Variants in TTI1 observed in about 807,000 individuals in gnomAD.
TTI1 encodes the protein TELO2-interacting protein 1 homolog.
A neutral mutation model predicts 85.4 loss-of-function variants in TTI1; 52 were observed. The observed-to-expected ratio is 0.61, with a 90% CI of 0.49 to 0.77. The LOEUF is 0.77. TTI1 is among the 30% of genes least tolerant of loss of function. The pLI, the probability that TTI1 is intolerant of heterozygous loss-of-function variation, is 0.00. For missense variants in TTI1, 1,173 were observed against 1,296.0 expected (o/e 0.91, Z 1.46); for synonymous variants, 512 against 503.9 (o/e 1.02, Z -0.22).
chr20:38,002,663 A>G lies in TTI1; in HGVS notation c.2617T>C (p.Leu873=), dbSNP rs984146182. 1 of 1,614,222 alleles carries G rather than the reference A, an allele frequency of 6.2e-7. No individual in the cohort carries two copies. The highest frequency in any genetic ancestry group is 1.3e-5 in the African/African-American group (1 of 75,058). Residue 873 remains leucine, a synonymous_variant, in exon 4 of 8, where the codon TTG becomes CTG. Transcript: ENST00000373447. The part of the protein sequence containing the change: ...AMDVMERCIH[L]LSDKNLQIRL... The stretch of plus-strand genomic sequence containing the variant: ...ATTTGCAGATTTTTATCTGACAACA[A>G]GTGGATGCAGCGTTCCATCACGTCC...
At chr20:37,997,317 T>G (rs1029375680) in intron 5 of TTI1, among the ~76,000 whole-genome samples, 52 of 151,612 alleles carry the variant, frequency 3.4e-4, no homozygotes, top group African/African-American at 1.2e-3. Flanking sequence ...CTTCCTAACA[T>G]CCCTTGAGAA....
chr20:38,033,185 G>A (rs868685118), intron 1 of TTI1, among the ~76,000 whole-genome samples: 3 of 152,202 alleles, frequency 2.0e-5, no homozygotes, highest in Admixed American at 6.5e-5. Flanking sequence ...AAAAGGGCAC[G>A]TGGGTGGCTT....
At chr20:38,020,324 ATAT>A (rs1411890437) in intron 1 of TTI1, among the ~76,000 whole-genome samples, 79 of 45,790 alleles carry the variant, frequency 1.7e-3, no homozygotes, top group African/African-American at 3.8e-3. Context: ...AAAAAAAAAA[ATAT>A]ATATATATAT....
intron 2 of TTI1, among the ~76,000 whole-genome samples, chr20:38,008,523 T>C (rs1157986778): frequency 1.3e-5 from 2 of 152,216 alleles, no homozygotes; most frequent in Non-Finnish European, 2.9e-5. Context: ...ATTTTTTTCT[T>C]GTTATGAATA....
chr20:38,030,197 A>G (rs1448592566), intron 1 of TTI1, among the ~76,000 whole-genome samples: 1 of 151,854 alleles, frequency 6.6e-6, no homozygotes, highest in Non-Finnish European at 1.5e-5. Flanking sequence ...AAACTCCAGA[A>G]AAAAAAGGAA....
At chr20:38,001,821 C>T (rs948831495) in intron 4 of TTI1, among the ~76,000 whole-genome samples, 9 of 152,100 alleles carry the variant, frequency 5.9e-5, no homozygotes, top group African/African-American at 2.2e-4. Context: ...TGGGTTCAAG[C>T]GATTCTCCTG....
Position 37,996,964 on chromosome 20 carries a change from A to C in TTI1, c.2794-11T>G, listed in dbSNP as rs1001710983. ...CAGGGTACGTAAAACCTGCAGAAAC[A>C]GCCTCCAACCTGGTGAGTGAACATT... On this transcript the variant is annotated splice_polypyrimidine_tract_variant and intron_variant, in intron 5 of 7. Transcript: ENST00000373447. The C allele has an allele frequency of 6.2e-7, 1 of 1,612,020 alleles. No individual in the cohort carries two copies. Among genetic ancestry groups the C allele is most frequent in the Non-Finnish European group, 8.5e-7 (1 of 1,179,118 alleles).
At chr20:37,984,062 C>T (rs2073158406) in intron 7 of TTI1, among the ~76,000 whole-genome samples, 1 of 152,206 alleles carries the variant, frequency 6.6e-6, no homozygotes, top group African/African-American at 2.4e-5. Flanking sequence ...GCAGGGCTCC[C>T]TGTCCTGCTC....
intron 7 of TTI1, among the ~76,000 whole-genome samples, chr20:37,988,899 A>G (rs143455093): frequency 6.6e-6 from 1 of 151,890 alleles, no homozygotes; most frequent in Non-Finnish European, 1.5e-5. Context: ...TTCTCCCATC[A>G]CTCTGTGCAT....
rs927079591 is a variant in TTI1 at position 38,023,321 on chromosome 20, G to A, written c.-41-9464C>T. ...CTGGCTGTTTATCAGAATCAAGGAG[G>A]AACAATTTAACTACAGATTCCTGGG... On this transcript the variant is annotated intron_variant, in intron 1 of 7. Transcript: ENST00000373447. 6.6e-5 allele frequency among the ~76,000 whole-genome samples: 10 copies of A among 152,316 alleles called. 1 individual carries two copies. Among genetic ancestry groups the A allele is most frequent in the African/African-American group, 2.4e-4 (10 of 41,576 alleles).
In TTI1 at chr20:37,983,373, C is replaced by T. The variant is rs1186670960; in HGVS notation, c.*83G>A. The T allele has an allele frequency of 1.9e-5, 27 of 1,424,926 alleles. No individual in the cohort carries two copies. Among genetic ancestry groups the T allele is most frequent in the East Asian group, 1.5e-4 (6 of 40,486 alleles). The allele number at this position is 1,424,926 out of a possible 1,614,324, so 88.3% of individuals were successfully genotyped here. A position where few individuals can be genotyped will look rare whatever the true frequency, so the allele number is the denominator to read the frequency against. ...TCACCTTCTCTGCTGCCGCTGCCACCGCCTATGGCCGGGGTGGGGTCAGCC... is the reference window on the plus strand; with the variant it reads ...TCACCTTCTCTGCTGCCGCTGCCACTGCCTATGGCCGGGGTGGGGTCAGCC... On this transcript the variant is annotated 3_prime_UTR_variant, in exon 8 of 8. Coordinates refer to ENST00000373447, the MANE Select transcript of TTI1 (RefSeq NM_001303457.2).
intron 7 of TTI1, among the ~76,000 whole-genome samples, chr20:37,996,000 A>G (rs1178046481): frequency 1.3e-5 from 2 of 152,306 alleles, no homozygotes; most frequent in African/African-American, 2.4e-5. Flanking sequence ...GACATATGCC[A>G]TATCAGGAAC....
intron 1 of TTI1, among the ~76,000 whole-genome samples, chr20:38,020,447 C>A (rs1373726859): frequency 2.0e-5 from 3 of 147,832 alleles, no homozygotes; most frequent in Non-Finnish European, 4.5e-5. Context: ...CTCTGTGATC[C>A]TGGAGTAGGC....
Position 38,017,813 on chromosome 20 carries a change from C to T in TTI1, c.-41-3956G>A, listed in dbSNP as rs183014572. Among the ~76,000 whole-genome samples the T allele has an allele frequency of 5.6e-3, 859 of 152,278 alleles. 2 individuals are homozygous for T. Among genetic ancestry groups the T allele is most frequent in the Admixed American group, 9.1e-3 (140 of 15,304 alleles). On this transcript the variant is annotated intron_variant, in intron 1 of 7. Transcript: ENST00000373447. ...TGAAAACCTTAGGGGCAGAAGTGAA[C>T]CTCCTAAAGGCTTTCATGTCTAAGG...
rs528643327 is a variant in TTI1, at chr20:37,985,554, G to A, written c.3087-1915C>T. Among the ~76,000 whole-genome samples the A allele has an allele frequency of 3.3e-5, 5 of 150,694 alleles. No homozygotes were observed. The South Asian group carries it at 1.1e-3, about 32-fold the overall frequency. On this transcript the variant is annotated intron_variant, in intron 7 of 7. Coordinates refer to ENST00000373447, the MANE Select transcript of TTI1 (RefSeq NM_001303457.2). Reference sequence around the variant, plus strand: ...ATTTTTTTTTTTTTTTTGAGACAGAGTCTCACTCTGTTGCCCAGGCTGGAG... The same window carrying A: ...ATTTTTTTTTTTTTTTTGAGACAGAATCTCACTCTGTTGCCCAGGCTGGAG...
At chr20:38,027,007 C>CTCAG (rs2073844615) in intron 1 of TTI1, among the ~76,000 whole-genome samples, 1 of 151,998 alleles carries the variant, frequency 6.6e-6, no homozygotes, top group African/African-American at 2.4e-5. Context: ...GGGCTACATA[C>CTCAG]AAAGAGATAT....
chr20:38,032,536 G>A (rs1236944435), intron 1 of TTI1, among the ~76,000 whole-genome samples: 20 of 151,994 alleles, frequency 1.3e-4, no homozygotes, highest in Admixed American at 1.3e-3. Flanking sequence ...TTGATACCTG[G>A]GATTTAAAAC....
intron 1 of TTI1, among the ~76,000 whole-genome samples, chr20:38,018,716 C>G (rs2122619293): frequency 6.8e-6 from 1 of 147,830 alleles, no homozygotes; most frequent in East Asian, 1.9e-4. Flanking sequence ...GCTGACTTCT[C>G]AAAAGAAATG....
At chr20:38,010,144 A>G (rs2073561615) in intron 2 of TTI1, among the ~76,000 whole-genome samples, 1 of 152,236 alleles carries the variant, frequency 6.6e-6, no homozygotes, top group South Asian at 2.1e-4. Context: ...AAAAAGGAAC[A>G]TTTATGCTGA....
Sources: gnomAD v4.1 joint callset for allele counts (sites outside exome capture counted in the v4.1 genomes callset) on GRCh38, gnomAD v4.1.1 for gene constraint, MANE v1.5 for transcripts, NCBI Gene and HGNC (gene_info 2026-07-23, HGNC 2026-07-21) for gene names.